Variants in PTPN21 observed in about 807,000 individuals in gnomAD.
PTPN21 encodes protein tyrosine phosphatase non-receptor type 21.
PTPN21 carries 77 observed loss-of-function variants against 131.8 expected under a neutral mutation model. That is an observed-to-expected ratio of 0.58 (90% confidence interval 0.49 to 0.71). The LOEUF (loss-of-function observed/expected upper bound fraction) is 0.71, where lower values mean the gene tolerates loss of function less well. Among genes scored for constraint, PTPN21 ranks in the 30% least tolerant of loss-of-function variants. PTPN21 has a pLI of 0.00. For synonymous variants in PTPN21, 715 were observed against 621.3 expected, an observed-to-expected ratio of 1.15 and a Z score of -2.24; for missense variants, 1,552 against 1,527.1, an observed-to-expected ratio of 1.02 and a Z score of -0.27.
rs150418302 is a variant in PTPN21, at chr14:88,468,231, C to G, written c.3431G>C (p.Arg1144Thr). The change falls in exon 19 of 19, where the codon AGG becomes ACG. Residue 1144 changes from arginine (R) to threonine (T), a missense_variant. Arg to Thr is a moderately conservative substitution (Grantham distance 71). Around this residue, in one of 4 missense-constraint regions of PTPN21, gnomAD observed 316 missense variants for 378.5 expected, o/e 0.83. Coordinates refer to ENST00000556564, the MANE Select transcript of PTPN21 (RefSeq NM_007039.4). Reference protein sequence around the residue: ...LDIPRVLDMLRQQRMMLVQTL... With the variant: ...LDIPRVLDMLTQQRMMLVQTL... ...CTGCACCAGCATCATTCTCTGTTGC[C>G]TCAGCATGTCCAGCACTCTCGGGAT... 6.8e-6 allele frequency: 11 copies of G among 1,610,072 alleles called. No individual in the cohort carries two copies. The African/African-American group carries it at 1.3e-4, about 20-fold the overall frequency.
chr14:88,530,513 C>A (rs1032892130), intron 2 of PTPN21, among the ~76,000 whole-genome samples: 2 of 134,766 alleles, frequency 1.5e-5, no homozygotes, highest in African/African-American at 2.5e-5. Context: ...AAAAATCCAC[C>A]AACCAAGTAT....
rs1189061664 is a variant in PTPN21, at chr14:88,479,571, G to C, written c.1860C>G (p.Val620=). ...SLPVAHSLQE[V]SEPLTAARHA... Reference sequence around the variant, plus strand: ...GGCGCGCGGCGGTGAGGGGCTCGCTGACCTCCTGCAGCGAGTGCGCCACGG... The same window carrying C: ...GGCGCGCGGCGGTGAGGGGCTCGCTCACCTCCTGCAGCGAGTGCGCCACGG... The change falls in exon 13 of 19, where the codon GTC becomes GTG. Residue 620 remains valine, a synonymous_variant. Transcript: ENST00000556564. 1.0e-5 allele frequency: 16 copies of C among 1,597,742 alleles called. No homozygotes were observed. Among genetic ancestry groups the C allele is most frequent in the Non-Finnish European group, 1.4e-5 (16 of 1,178,266 alleles).
At chr14:88,484,713 AC>A (rs1224854954) in intron 12 of PTPN21, among the ~76,000 whole-genome samples, 5 of 151,782 alleles carry the variant, frequency 3.3e-5, no homozygotes, top group Non-Finnish European at 7.4e-5. Context: ...ACATGGTGAA[AC>A]CCCATGTCTA....
At chr14:88,544,417 T>C (rs1359689360) in intron 2 of PTPN21, among the ~76,000 whole-genome samples, 1 of 151,394 alleles carries the variant, frequency 6.6e-6, no homozygotes, top group Admixed American at 6.6e-5. Context: ...GGGATAGGAG[T>C]CACTAATAAC....
intron 2 of PTPN21, among the ~76,000 whole-genome samples, chr14:88,531,394 T>C (rs911768375): frequency 6.6e-6 from 1 of 151,962 alleles, no homozygotes; most frequent in African/African-American, 2.4e-5. Context: ...CCATCTCTAC[T>C]AAAATTACAA....
chr14:88,497,152 T>C, intron 9 of PTPN21, 51 bp downstream of exon 9: 1 of 1,404,064 alleles, frequency 7.1e-7, no homozygotes, highest in Non-Finnish European at 1.0e-6. Flanking sequence ...GAAGTAGAAC[T>C]TGTTAACTTT....
chr14:88,485,969 T>A (rs1434783258), intron 10 of PTPN21, 127 bp from the exon 11 acceptor site: 5 of 615,990 alleles, frequency 8.1e-6, no homozygotes. Flanking sequence ...ATCTAAGTCA[T>A]GAAGTCAAAG....
intron 2 of PTPN21, among the ~76,000 whole-genome samples, chr14:88,528,567 T>C (rs886850434): frequency 6.6e-6 from 1 of 152,234 alleles, no homozygotes. Flanking sequence ...AATTCCCACG[T>C]TGTGGGAGGG....
chr14:88,509,081 G>A (rs2078140325), intron 3 of PTPN21, among the ~76,000 whole-genome samples: 2 of 152,068 alleles, frequency 1.3e-5, no homozygotes, highest in African/African-American at 4.8e-5. Flanking sequence ...GAAGGACCAA[G>A]AGCATAGCCG....
chr14:88,550,334 T>C lies in PTPN21; in HGVS notation c.84A>G (p.Gln28=), dbSNP rs751699086. ...SSKSCLVARI[Q]LLNNEFVEFT... is the part of the protein sequence containing the mutation. ...ACTCCACAAACTCGTTATTAAGCAG[T>C]TGGATCCGGGCAACCAGGCAACTCT... The change falls in exon 2 of 19, where the codon CAA becomes CAG. Residue 28 remains glutamine, a synonymous_variant. Transcript: ENST00000556564. 1.3e-5 allele frequency: 21 copies of C among 1,614,104 alleles called. No homozygotes were observed. The highest frequency in any genetic ancestry group is 2.2e-5 in the East Asian group (1 of 44,902).
Position 88,517,160 on chromosome 14 carries a change from T to C in PTPN21, c.282A>G (p.Glu94=). Residue 94 remains glutamate (E), a synonymous_variant, in exon 3 of 19, where the codon GAA becomes GAG. Transcript: ENST00000556564. Reference sequence around the variant, plus strand: ...ACACCACTCCAAAATAGACGGTAGGTTCCAATGCATATTTATCCAGCTGCT... The same window carrying C: ...ACACCACTCCAAAATAGACGGTAGGCTCCAATGCATATTTATCCAGCTGCT... ...LKKQLDKYAL[E]PTVYFGVVFY... 2 of 1,614,014 alleles carry C rather than the reference T, an allele frequency of 1.2e-6. No homozygotes were observed. The highest frequency in any genetic ancestry group is 1.7e-6 in the Non-Finnish European group (2 of 1,179,976).
chr14:88,476,525 C>T (rs1255672008), intron 13 of PTPN21, among the ~76,000 whole-genome samples: 1 of 152,176 alleles, frequency 6.6e-6, no homozygotes, highest in African/African-American at 2.4e-5. Context: ...ATCAGTTACA[C>T]TGAATCATGT....
chr14:88,487,448 T>C (rs2077755562), intron 10 of PTPN21, among the ~76,000 whole-genome samples: 2 of 152,154 alleles, frequency 1.3e-5, no homozygotes, highest in South Asian at 4.1e-4. Flanking sequence ...GCCTCATGTC[T>C]CATAAATTAA....
intron 3 of PTPN21, among the ~76,000 whole-genome samples, chr14:88,511,959 C>G (rs766398499): frequency 2.0e-5 from 3 of 152,254 alleles, no homozygotes; most frequent in Non-Finnish European, 2.9e-5. Flanking sequence ...GAAGAGGCAG[C>G]CTTTTTTCTT....
In PTPN21 at chr14:88,468,300, T is replaced by TC. The variant is rs771074414; in HGVS notation, c.3397-36_3397-35insG. 7 of 1,558,670 alleles carry TC rather than the reference T, an allele frequency of 4.5e-6. No individual in the cohort carries two copies. The South Asian group carries it at 8.3e-5, about 18-fold the overall frequency. ...GAGAAACGGTAATGAAGATAATGTG[T>TC]TCCCCTGGGGAGACAGAAAGGATGG... On this transcript the variant is annotated intron_variant, in intron 18 of 18. Coordinates refer to ENST00000556564, the MANE Select transcript of PTPN21 (RefSeq NM_007039.4).
At chr14:88,521,043 C>T (rs1244588769) in intron 2 of PTPN21, among the ~76,000 whole-genome samples, 1 of 151,996 alleles carries the variant, frequency 6.6e-6, no homozygotes, top group African/African-American at 2.4e-5. Flanking sequence ...GAGAGGGTCT[C>T]ACTATGTTGC....
intron 2 of PTPN21, among the ~76,000 whole-genome samples, chr14:88,521,505 C>G (rs967411409): frequency 6.6e-6 from 1 of 151,116 alleles, no homozygotes; most frequent in African/African-American, 2.4e-5. Flanking sequence ...CAGTTTCAAG[C>G]GCTTCTCCTG....
intron 10 of PTPN21, among the ~76,000 whole-genome samples, chr14:88,491,008 A>G (rs1051528198): frequency 2.6e-5 from 4 of 152,176 alleles, no homozygotes; most frequent in Non-Finnish European, 4.4e-5. Context: ...AGAGTGAGAG[A>G]CAGTGGGTTT....
At position 88,467,714 on chromosome 14, in the gene PTPN21, CT is replaced by C. The variant is rs1391354056; in HGVS notation, c.*422del. The C allele has an allele frequency of 1.7e-5, 3 of 174,614 alleles. No individual in the cohort carries two copies. The Admixed American group carries it at 1.9e-4, about 11-fold the overall frequency. The allele number at this position is 174,614 out of a possible 1,614,324, so 10.8% of individuals were successfully genotyped here. A position where few individuals can be genotyped will look rare whatever the true frequency, so the allele number is the denominator to read the frequency against. On this transcript the variant is annotated 3_prime_UTR_variant, in exon 19 of 19. Transcript: ENST00000556564. ...CATCCTTACACAAAGTTGTTTCTCA[CT>C]AGAAAAATCCCTAAATATTTGTCAT...
Sources: allele counts gnomAD v4.1 joint callset (sites outside exome capture counted in the v4.1 genomes callset), GRCh38; gene constraint gnomAD v4.1.1; regional missense constraint gnomAD v4.1.1; transcripts MANE v1.5; gene names NCBI Gene and HGNC (gene_info 2026-07-23, HGNC 2026-07-21).